Variants in HIBADH observed in about 807,000 individuals in gnomAD.
HIBADH encodes 3-hydroxyisobutyrate dehydrogenase.
HIBADH carries 25 observed loss-of-function variants against 36.1 expected under a neutral mutation model. That is an observed-to-expected ratio of 0.69 (90% CI 0.50 to 0.97). The LOEUF (loss-of-function observed/expected upper bound fraction) is 0.97. Ranked by LOEUF, HIBADH falls within the 50% of genes least tolerant of loss-of-function variation. HIBADH has a pLI of 0.00. For missense variants in HIBADH, 421 were observed against 418.0 expected, an observed-to-expected ratio of 1.01 and a Z score of -0.06; for synonymous variants, 160 against 149.5, an observed-to-expected ratio of 1.07 and a Z score of -0.51.
intron 6 of HIBADH, among the ~76,000 whole-genome samples, chr7:27,534,888 CACA>C (rs1784050637): frequency 6.6e-6 from 1 of 151,360 alleles, no homozygotes; most frequent in African/African-American, 2.4e-5. Context: ...ACTTAATCTT[CACA>C]ACAACCCAGT....
chr7:27,636,356 A>G (rs1785841270), intron 2 of HIBADH, among the ~76,000 whole-genome samples: 1 of 152,248 alleles, frequency 6.6e-6, no homozygotes, highest in Non-Finnish European at 1.5e-5. Context: ...GTACTCTTTA[A>G]AAGTACTTTT....
intron 4 of HIBADH, among the ~76,000 whole-genome samples, chr7:27,626,574 T>C (rs1377377631): frequency 6.6e-6 from 1 of 152,162 alleles, no homozygotes; most frequent in African/African-American, 2.4e-5. Context: ...AGAAAAATGA[T>C]TAAGTAATAA....
intron 2 of HIBADH, among the ~76,000 whole-genome samples, chr7:27,635,785 G>A (rs1409209731): frequency 4.1e-5 from 4 of 97,346 alleles, no homozygotes; most frequent in Non-Finnish European, 7.7e-5. Context: ...GATTGTCAAG[G>A]CTGCCCCAGA....
intron 4 of HIBADH, among the ~76,000 whole-genome samples, chr7:27,592,081 A>G (rs1784948460): frequency 6.6e-6 from 1 of 152,236 alleles, no homozygotes; most frequent in Admixed American, 6.5e-5. Flanking sequence ...GCCTGAAAAC[A>G]GCCTTCCCCT....
intron 2 of HIBADH, among the ~76,000 whole-genome samples, chr7:27,643,737 A>G (rs771316793): frequency 2.6e-5 from 4 of 152,242 alleles, no homozygotes; most frequent in Admixed American, 6.5e-5. Context: ...TCTGAAATCA[A>G]GGTGTCAAGA....
chr7:27,640,253 A>G (rs1785937027), intron 2 of HIBADH, among the ~76,000 whole-genome samples: 1 of 152,210 alleles, frequency 6.6e-6, no homozygotes, highest in Admixed American at 6.5e-5. Context: ...ACCTGGGGCC[A>G]GGTGCAATGG....
intron 4 of HIBADH, among the ~76,000 whole-genome samples, chr7:27,604,181 T>C (rs1785179489): frequency 6.6e-6 from 1 of 152,184 alleles, no homozygotes; most frequent in Non-Finnish European, 1.5e-5. Flanking sequence ...GAATTGTTTT[T>C]CTCATTATCA....
chr7:27,615,109 G>C (rs931551535), intron 4 of HIBADH, among the ~76,000 whole-genome samples: 2 of 152,168 alleles, frequency 1.3e-5, no homozygotes, highest in South Asian at 4.1e-4. Context: ...CTACATGCCA[G>C]TGCCTATCAG....
At chr7:27,612,691 T>C (rs942063398) in intron 4 of HIBADH, among the ~76,000 whole-genome samples, 11 of 150,608 alleles carry the variant, frequency 7.3e-5, no homozygotes, top group African/African-American at 2.7e-4. Flanking sequence ...CCCAGCACTT[T>C]GGGAGGCCAA....
Position 27,526,041 on chromosome 7 carries a change from T to A in HIBADH, c.*173A>T. ...AGAAAAAAAATTCGGATAATATGTT[T>A]GTTAAAAAGACAAAAAGAATAAGCG... is the stretch of plus-strand genomic sequence containing the variant. On this transcript the variant is annotated 3_prime_UTR_variant, in exon 8 of 8. Transcript: ENST00000265395. 2.1e-6 allele frequency: 1 copy of A among 485,834 alleles called. No homozygotes were observed. Among genetic ancestry groups the A allele is most frequent in the Non-Finnish European group, 3.3e-6 (1 of 302,586 alleles). 30.1% of individuals were successfully genotyped at this position (485,834 alleles called of 1,614,324 possible).
At chr7:27,583,809 T>A (rs964450100) in intron 4 of HIBADH, among the ~76,000 whole-genome samples, 3 of 152,036 alleles carry the variant, frequency 2.0e-5, no homozygotes, top group Admixed American at 2.0e-4. Context: ...TATTGGTATT[T>A]ACTGTATTAG....
At chr7:27,589,118 A>T (rs1784905733) in intron 4 of HIBADH, among the ~76,000 whole-genome samples, 1 of 152,220 alleles carries the variant, frequency 6.6e-6, no homozygotes, top group South Asian at 2.1e-4. Flanking sequence ...TAGGTAATAT[A>T]GGTATATTGA....
chr7:27,626,821 A>C (rs1169252202), intron 4 of HIBADH, among the ~76,000 whole-genome samples: 3 of 152,174 alleles, frequency 2.0e-5, no homozygotes, highest in Admixed American at 1.3e-4. Flanking sequence ...TGCATTTTTT[A>C]AAGTCTGGAA....
intron 6 of HIBADH, among the ~76,000 whole-genome samples, chr7:27,531,655 G>T (rs1320381719): frequency 2.0e-5 from 3 of 152,040 alleles, no homozygotes; most frequent in Non-Finnish European, 4.4e-5. Context: ...ACACTCATGG[G>T]TTTTCTAGTC....
rs148571562 is a variant in HIBADH at position 27,533,720 on chromosome 7, G to C, written c.696-2372C>G. 1.0e-3 allele frequency among the ~76,000 whole-genome samples: 155 copies of C among 152,220 alleles called. 1 individual carries two copies. The highest frequency in any genetic ancestry group is 3.6e-3 in the African/African-American group (149 of 41,538). On this transcript the variant is annotated intron_variant, in intron 6 of 7. Coordinates refer to ENST00000265395, the MANE Select transcript of HIBADH (RefSeq NM_152740.4). ...TATCCTAGAACGTCATGCTTCACTG[G>C]AGAAGACTGAGTTTCCATTCGAAAT...
In HIBADH at chr7:27,618,940, T is replaced by G. The variant is rs374551297; in HGVS notation, c.484+10431A>C. Among the ~76,000 whole-genome samples, 43 of 152,290 alleles carry G rather than the reference T, an allele frequency of 2.8e-4. No homozygotes were observed. In the East Asian group the frequency reaches 6.8e-3, roughly 24 times the overall value. ...GCACCAAGGGGATGGTGTTAAACTTTCATAAGAAATCTGCCCCCGTGACCT... is the reference window on the plus strand; with the variant it reads ...GCACCAAGGGGATGGTGTTAAACTTGCATAAGAAATCTGCCCCCGTGACCT... On this transcript the variant is annotated intron_variant, in intron 4 of 7. Coordinates refer to ENST00000265395, the MANE Select transcript of HIBADH (RefSeq NM_152740.4).
rs573583913 is a variant in HIBADH, at chr7:27,650,048, T to C, written c.92-415A>G. Among the ~76,000 whole-genome samples the C allele has an allele frequency of 5.9e-5, 9 of 152,306 alleles. No individual in the cohort carries two copies. In the South Asian group the frequency reaches 1.9e-3, roughly 32 times the overall value. On this transcript the variant is annotated intron_variant, in intron 1 of 7. Transcript: ENST00000265395. Reference sequence around the variant, plus strand: ...AAGCATTTTTCCTGTTTTGTACCTGTATAACATTCTTTTACCATTTTTAAC... The same window carrying C: ...AAGCATTTTTCCTGTTTTGTACCTGCATAACATTCTTTTACCATTTTTAAC...
chr7:27,655,778 C>T (rs1325687280), intron 1 of HIBADH, among the ~76,000 whole-genome samples: 1 of 151,868 alleles, frequency 6.6e-6, no homozygotes, highest in Non-Finnish European at 1.5e-5. Flanking sequence ...AAAATATACC[C>T]AACTTGTCAT....
chr7:27,635,057 ACTCT>A (rs891672741), intron 2 of HIBADH, among the ~76,000 whole-genome samples: 7 of 145,572 alleles, frequency 4.8e-5, no homozygotes, highest in Non-Finnish European at 3.0e-5. Context: ...AATAACACAC[ACTCT>A]CTCTCTTTCT....
Sources: allele counts gnomAD v4.1 joint callset (sites outside exome capture counted in the v4.1 genomes callset), GRCh38; gene constraint gnomAD v4.1.1; transcripts MANE v1.5; gene names NCBI Gene and HGNC (gene_info 2026-07-23, HGNC 2026-07-21).